NXN: variants seen among roughly 807,000 people sequenced by gnomAD.
NXN encodes nucleoredoxin.
NXN carries 16 observed loss-of-function variants against 48.6 expected under a neutral mutation model. That is an observed-to-expected ratio of 0.33 (90% CI 0.22 to 0.50). The LOEUF is 0.50. Ranked by LOEUF, NXN falls within the 20% of genes least tolerant of loss-of-function variation. The pLI is 0.98. For synonymous variants in NXN, 281 were observed against 269.6 expected (o/e 1.04, Z -0.41); for missense variants, 492 against 605.5 (o/e 0.81, Z 1.97).
intron 1 of NXN, among the ~76,000 whole-genome samples, chr17:850,428 A>G (rs1359791395): frequency 6.6e-6 from 1 of 152,204 alleles, no homozygotes; most frequent in African/African-American, 2.4e-5. Flanking sequence ...AACGTTTCAC[A>G]TGTGTGTGGA....
intron 1 of NXN, among the ~76,000 whole-genome samples, chr17:879,491 T>C (rs186264037): frequency 6.4e-4 from 98 of 152,010 alleles, no homozygotes; most frequent in African/African-American, 2.3e-3. Flanking sequence ...CTCACCAAGT[T>C]GGCCAGGCTG....
At chr17:902,037 T>C (rs2068542440) in intron 1 of NXN, among the ~76,000 whole-genome samples, 1 of 152,150 alleles carries the variant, frequency 6.6e-6, no homozygotes, top group Non-Finnish European at 1.5e-5. Flanking sequence ...TGCAGAGCCA[T>C]CTGCCTGTGA....
intron 5 of NXN, among the ~76,000 whole-genome samples, chr17:815,315 G>A (rs755332197): frequency 2.0e-5 from 3 of 150,154 alleles, no homozygotes; most frequent in Non-Finnish European, 4.4e-5. Context: ...ACTTCCATCT[G>A]TATGATGAGG....
At chr17:966,965 C>T (rs1460145713) in intron 1 of NXN, among the ~76,000 whole-genome samples, 1 of 152,122 alleles carries the variant, frequency 6.6e-6, no homozygotes, top group Non-Finnish European at 1.5e-5. Flanking sequence ...CCCAGCGGTC[C>T]CCTGGGAGAG....
intron 1 of NXN, among the ~76,000 whole-genome samples, chr17:891,762 G>A (rs1373651558): frequency 5.6e-4 from 83 of 147,356 alleles, no homozygotes; most frequent in Middle Eastern, 3.8e-3. Context: ...GGGAACCTAA[G>A]CTAACCCCAC....
At chr17:815,492 T>C (rs1912418448) in intron 5 of NXN, among the ~76,000 whole-genome samples, 1 of 143,566 alleles carries the variant, frequency 7.0e-6, no homozygotes, top group African/African-American at 2.6e-5. Context: ...CTGACTTCCA[T>C]CCGTATGATG....
intron 1 of NXN, among the ~76,000 whole-genome samples, chr17:901,820 C>G (rs999787113): frequency 2.6e-5 from 4 of 152,164 alleles, no homozygotes; most frequent in Non-Finnish European, 5.9e-5. Context: ...CTGCCTCAGC[C>G]TCCTGAGTAG....
At chr17:818,864 A>G (rs1376344423) in intron 5 of NXN, among the ~76,000 whole-genome samples, 2 of 148,264 alleles carry the variant, frequency 1.3e-5, no homozygotes, top group Admixed American at 6.7e-5. Flanking sequence ...CAGCCTGGGC[A>G]ACAGAGTGAG....
intron 1 of NXN, chr17:959,427 A>G (rs536380383): frequency 1.6e-4 from 32 of 197,102 alleles, no homozygotes; most frequent in South Asian, 3.7e-4. Flanking sequence ...TGAGGACTCC[A>G]GACTGGGACC....
At chr17:807,871 G>A (rs754239940) in intron 5 of NXN, among the ~76,000 whole-genome samples, 63 of 152,348 alleles carry the variant, frequency 4.1e-4, no homozygotes, top group East Asian at 1.2e-3. Flanking sequence ...TGGCTTCTGC[G>A]GCCGTCTGCC....
At chr17:854,372 G>T (rs539022504) in intron 1 of NXN, among the ~76,000 whole-genome samples, 2 of 152,212 alleles carry the variant, frequency 1.3e-5, no homozygotes, top group East Asian at 1.9e-4. Flanking sequence ...ATTTCAGCCG[G>T]GAGCGGTGGC....
At chr17:967,248 G>C (rs75638153) in intron 1 of NXN, among the ~76,000 whole-genome samples, 6 of 152,142 alleles carry the variant, frequency 3.9e-5, no homozygotes, top group Admixed American at 1.3e-4. Flanking sequence ...GATCAAGGGC[G>C]ACCATGCCGG....
chr17:928,042 T>C (rs1471261960), intron 1 of NXN, among the ~76,000 whole-genome samples: 1 of 151,842 alleles, frequency 6.6e-6, no homozygotes, highest in Non-Finnish European at 1.5e-5. Flanking sequence ...AAGAGGACTC[T>C]GGCCAAGAAT....
intron 1 of NXN, among the ~76,000 whole-genome samples, chr17:909,032 G>C (rs1306023351): frequency 1.4e-5 from 2 of 147,166 alleles, no homozygotes; most frequent in Admixed American, 1.4e-4. Context: ...CTGGGAGGCA[G>C]AGGTCGCAGT....
intron 1 of NXN, among the ~76,000 whole-genome samples, chr17:877,017 T>G (rs1011266266): frequency 2.0e-5 from 3 of 150,220 alleles, no homozygotes; most frequent in African/African-American, 7.4e-5. Flanking sequence ...TAGGCAGAGG[T>G]TGCAGTGAGC....
intron 1 of NXN, among the ~76,000 whole-genome samples, chr17:833,133 C>T (rs1023864708): frequency 6.6e-5 from 10 of 152,072 alleles, no homozygotes; most frequent in South Asian, 6.2e-4. Flanking sequence ...CCTCGTGATC[C>T]GCCCACCTCA....
intron 1 of NXN, among the ~76,000 whole-genome samples, chr17:948,696 G>A (rs916245623): frequency 1.1e-4 from 17 of 151,862 alleles, no homozygotes; most frequent in Admixed American, 6.6e-4. Flanking sequence ...GTCCCAACGC[G>A]GGGCCTCACC....
chr17:802,836 G>A (rs1355486956), intron 7 of NXN, among the ~76,000 whole-genome samples: 1 of 151,744 alleles, frequency 6.6e-6, no homozygotes, highest in Non-Finnish European at 1.5e-5. Flanking sequence ...CCTCTCCTGG[G>A]ATCCAAACAC....
intron 1 of NXN, among the ~76,000 whole-genome samples, chr17:869,783 C>T (rs918290647): frequency 1.4e-4 from 21 of 152,356 alleles, no homozygotes; most frequent in African/African-American, 3.6e-4. Context: ...TCGTGTTCCA[C>T]GGACAGTTAA....
Sources: gnomAD v4.1 joint callset for allele counts (sites outside exome capture counted in the v4.1 genomes callset) on GRCh38, gnomAD v4.1.1 for gene constraint, MANE v1.5 for transcripts, NCBI Gene and HGNC (gene_info 2026-07-23, HGNC 2026-07-21) for gene names.